FAAH2: variants seen among roughly 807,000 people sequenced by gnomAD.
FAAH2 encodes the protein fatty-acid amide hydrolase 2.
In FAAH2, 60 loss-of-function variants were observed where a neutral mutation model predicts 36.9. That is an observed-to-expected ratio of 1.63 (90% CI 1.32 to 2.02). The LOEUF is 2.02. Among genes scored for constraint, FAAH2 ranks in the 30% most tolerant of loss-of-function variants. The probability of loss-of-function intolerance (pLI) is 0.00; values close to 1 mark genes in which losing one functional copy is unlikely to be tolerated. For missense variants in FAAH2, 689 were observed against 397.5 expected, an observed-to-expected ratio of 1.73 and a Z score of -6.23; for synonymous variants, 214 against 143.8, an observed-to-expected ratio of 1.49 and a Z score of -3.49.
upstream of FAAH2, among the ~76,000 whole-genome samples, chrX:57,281,775 T>C (rs1352941380): frequency 9.0e-6 from 1 of 111,578 alleles, no homozygotes; most frequent in African/African-American, 3.3e-5. Flanking sequence ...TGTGGCCATA[T>C]GTCCTCATTG....
At chrX:57,327,731 G>T (rs2053259912) in intron 3 of FAAH2, among the ~76,000 whole-genome samples, 1 of 111,010 alleles carries the variant, frequency 9.0e-6, no homozygotes, top group African/African-American at 3.3e-5. Context: ...ATTGTAGTTA[G>T]CCATTCATCT....
At chrX:57,161,690 T>A in the FAAH2 span, among the ~76,000 whole-genome samples, 1 of 111,589 alleles carries the variant, frequency 9.0e-6, no homozygotes, top group Non-Finnish European at 1.9e-5. Flanking sequence ...AACCCCTGCC[T>A]TTTTTAGTTT....
chrX:57,153,814 G>T, the FAAH2 span, among the ~76,000 whole-genome samples: 3 of 112,520 alleles, frequency 2.7e-5, no homozygotes, highest in East Asian at 8.4e-4. Flanking sequence ...CTTGACCTCA[G>T]ATAACCTGAG....
chrX:57,313,744 G>A (rs2052759214), intron 3 of FAAH2, among the ~76,000 whole-genome samples: 1 of 110,558 alleles, frequency 9.0e-6, no homozygotes, highest in South Asian at 3.9e-4. Flanking sequence ...CTTACATGAG[G>A]CCCTTAAGGA....
chrX:57,403,696 C>G (rs185829771), intron 7 of FAAH2, among the ~76,000 whole-genome samples: 1 of 112,407 alleles, frequency 8.9e-6, no homozygotes, highest in East Asian at 2.8e-4. Flanking sequence ...TTTCTTAACT[C>G]TGCTTCTACA....
intron 1 of FAAH2, among the ~76,000 whole-genome samples, chrX:57,288,347 T>C (rs2051874830): frequency 2.6e-5 from 2 of 77,817 alleles, no homozygotes; most frequent in Non-Finnish European, 4.9e-5. Context: ...TCTTTTTTTT[T>C]TTTTTTTTTT....
chrX:57,230,949 A>C, the FAAH2 span, among the ~76,000 whole-genome samples: 1 of 107,912 alleles, frequency 9.3e-6, no homozygotes, highest in Non-Finnish European at 1.9e-5. Flanking sequence ...TGCTTTTTTT[A>C]TTCCTTGATT....
At chrX:57,342,649 G>A (rs754118676) in intron 5 of FAAH2, among the ~76,000 whole-genome samples, 3 of 110,912 alleles carry the variant, frequency 2.7e-5, no homozygotes, top group East Asian at 2.8e-4. Flanking sequence ...ACGTTCAGGG[G>A]GCACATATGC....
chrX:57,342,294 C>G (rs2053706761), intron 5 of FAAH2, among the ~76,000 whole-genome samples: 1 of 111,383 alleles, frequency 9.0e-6, no homozygotes, highest in African/African-American at 3.3e-5. Context: ...GACATATTTT[C>G]ACTCATAAGT....
At chrX:57,465,577 A>T (rs776045354) in intron 10 of FAAH2, among the ~76,000 whole-genome samples, 1 of 111,660 alleles carries the variant, frequency 9.0e-6, no homozygotes, top group East Asian at 2.8e-4. Context: ...TACTCTTATA[A>T]TTCACAGAAT....
the FAAH2 span, among the ~76,000 whole-genome samples, chrX:57,198,036 C>T: frequency 8.9e-6 from 1 of 111,758 alleles, no homozygotes; most frequent in East Asian, 2.8e-4. Context: ...TTCAAGGGAG[C>T]TTCAGCTGCA....
rs556325861 is a variant in FAAH2, at chrX:57,366,299, C to A, written c.743-12352C>A. On this transcript the variant is annotated intron_variant, in intron 5 of 10. Transcript: ENST00000374900. ...AGTTGATTGGCATCATTTTCAGATG[C>A]TTTCAGGGGCTAAGACTCAGCTGAG... is the stretch of plus-strand genomic sequence containing the variant. 9.6e-4 allele frequency among the ~76,000 whole-genome samples: 108 copies of A among 111,918 alleles called. 4 individuals are homozygous for A. In the South Asian group the frequency reaches 0.039, roughly 40 times the overall value.
the FAAH2 span, among the ~76,000 whole-genome samples, chrX:57,139,459 C>T: frequency 1.8e-5 from 2 of 110,956 alleles, no homozygotes; most frequent in African/African-American, 6.6e-5. Context: ...TTTTTGTTTG[C>T]TTGTTTGTTT....
chrX:57,322,670 A>G (rs2053065928), intron 3 of FAAH2, among the ~76,000 whole-genome samples: 1 of 110,905 alleles, frequency 9.0e-6, no homozygotes, highest in Admixed American at 9.7e-5. Flanking sequence ...ATGTTATTCC[A>G]TAATTCATGG....
intron 5 of FAAH2, among the ~76,000 whole-genome samples, chrX:57,378,028 AG>A: frequency 8.9e-6 from 1 of 111,897 alleles, no homozygotes; most frequent in South Asian, 3.7e-4. Flanking sequence ...AGGTTAAGAA[AG>A]TTTTGGGCTG....
chrX:57,391,399 A>G (rs998137607), intron 7 of FAAH2, among the ~76,000 whole-genome samples: 17 of 110,722 alleles, frequency 1.5e-4, no homozygotes, highest in Non-Finnish European at 1.9e-5. Flanking sequence ...CCTCAATGTC[A>G]GAAGTTTTTT....
At chrX:57,383,927 T>G (rs917058021) in intron 7 of FAAH2, among the ~76,000 whole-genome samples, 7 of 111,651 alleles carry the variant, frequency 6.3e-5, no homozygotes, top group African/African-American at 2.3e-4. Flanking sequence ...CAAACTATAC[T>G]GGAAGACTAC....
chrX:57,361,546 G>A (rs901085798), intron 5 of FAAH2, among the ~76,000 whole-genome samples: 1 of 110,608 alleles, frequency 9.0e-6, no homozygotes, highest in Non-Finnish European at 1.9e-5. Context: ...TTTACTTATT[G>A]TTTGCTCCAC....
chrX:57,248,753 CAAAAA>C, the FAAH2 span, among the ~76,000 whole-genome samples: 3 of 14,497 alleles, frequency 2.1e-4, no homozygotes, highest in African/African-American at 4.6e-4. Context: ...AGCTCCGTCT[CAAAAA>C]AAAAAAAAAA....
Sources: allele counts gnomAD v4.1 joint callset (sites outside exome capture counted in the v4.1 genomes callset), GRCh38; gene constraint gnomAD v4.1.1; transcripts MANE v1.5; gene names NCBI Gene and HGNC (gene_info 2026-07-23, HGNC 2026-07-21).